Variants in ALDH3B1 observed in about 807,000 individuals in gnomAD.
The protein encoded by ALDH3B1 is aldehyde dehydrogenase 3 family member B1.
A neutral mutation model predicts 46.2 loss-of-function variants in ALDH3B1; 37 were observed. The ratio of observed to expected loss-of-function variants is 0.80; its 90% CI spans 0.62 to 1.05. The LOEUF is 1.05. ALDH3B1 is among the 50% of genes least tolerant of loss of function. The pLI, the probability that ALDH3B1 is intolerant of heterozygous loss-of-function variation, is 0.00. For missense variants in ALDH3B1, 603 were observed against 665.5 expected (o/e 0.91, Z 1.03); for synonymous variants, 283 against 281.0 (o/e 1.01, Z -0.07).
chr11:68,014,621 C>T (rs962811928), intron 1 of ALDH3B1, among the ~76,000 whole-genome samples: 6 of 152,184 alleles, frequency 3.9e-5, no homozygotes, highest in Non-Finnish European at 8.8e-5. Flanking sequence ...ACCACAGCCC[C>T]GGCAGGGTGG....
intron 2 of ALDH3B1, chr11:68,017,579 T>C (rs976101421): frequency 6.6e-6 from 1 of 152,296 alleles, no homozygotes; most frequent in African/African-American, 2.4e-5. Context: ...GGCTGGTCTC[T>C]CCTCCCTTGG....
upstream of ALDH3B1, among the ~76,000 whole-genome samples, chr11:68,009,752 G>T (rs1857192994): frequency 1.3e-5 from 2 of 152,102 alleles, no homozygotes; most frequent in Non-Finnish European, 2.9e-5. Flanking sequence ...TGGCGCCAAG[G>T]TCTTCTGGCT....
chr11:68,024,216 C>G (rs1030126015), intron 8 of ALDH3B1: 3 of 152,236 alleles, frequency 2.0e-5, no homozygotes, highest in African/African-American at 7.2e-5. Flanking sequence ...AGGAGAGAAT[C>G]CCACAGAGGT....
intron 1 of ALDH3B1, among the ~76,000 whole-genome samples, chr11:68,012,813 T>A (rs184685769): frequency 6.6e-6 from 1 of 151,840 alleles, no homozygotes; most frequent in Non-Finnish European, 1.5e-5. Flanking sequence ...GGAGCTGAGG[T>A]GGATAGCCTT....
upstream of ALDH3B1, chr11:68,008,601 C>G (rs182488365): frequency 8.6e-4 from 131 of 152,390 alleles, no homozygotes; most frequent in East Asian, 0.018. Context: ...ACACAGAGGA[C>G]AGGGGCTCTG....
In ALDH3B1 at chr11:68,022,023, C is replaced by T. The variant is rs1461120427; in HGVS notation, c.949+152C>T. ...AGCCACAGCTCCAGTGCCATGATTC[C>T]GTCTCTGTGCTTCTAAGTCTGTGGC... is the stretch of plus-strand genomic sequence containing the variant. On this transcript the variant is annotated intron_variant, in intron 7 of 9. Coordinates refer to ENST00000342456, the MANE Select transcript of ALDH3B1 (RefSeq NM_000694.4). 2.0e-5 allele frequency among the ~76,000 whole-genome samples: 3 copies of T among 152,332 alleles called. 1 individual carries two copies. Among genetic ancestry groups the T allele is most frequent in the Middle Eastern group, 6.8e-3 (2 of 294 alleles).
chr11:68,014,097 C>A (rs978340293), intron 1 of ALDH3B1, among the ~76,000 whole-genome samples: 14 of 152,214 alleles, frequency 9.2e-5, no homozygotes, highest in African/African-American at 2.4e-5. Context: ...GTGGTCTCAT[C>A]ATTAGCTGGC....
intron 6 of ALDH3B1, among the ~76,000 whole-genome samples, chr11:68,021,224 TTTGGCTCAGCAGGGGGACCCTGGGGGCCG>T (rs1193834321): frequency 9.9e-5 from 15 of 151,742 alleles, no homozygotes; most frequent in African/African-American, 3.6e-4. Context: ...AGCCAAGGGG[TTTGGCTCAGCAGGGGGACCCTGGGGGCCG>T]ATAGCAGCCG....
Position 68,026,046 on chromosome 11 carries a change from G to A in ALDH3B1, c.1154G>A (p.Gly385Asp), listed in dbSNP as rs780995039. The A allele has an allele frequency of 2.5e-6, 4 of 1,608,648 alleles. No homozygotes were observed. Among genetic ancestry groups the A allele is most frequent in the Non-Finnish European group, 3.4e-6 (4 of 1,177,522 alleles). Reference sequence around the variant, plus strand: ...GTGCTGACCCAGACCAGCAGCGGGGGCTTCTGTGGGAACGACGGCTTCATG... The same window carrying A: ...GTGCTGACCCAGACCAGCAGCGGGGACTTCTGTGGGAACGACGGCTTCATG... The part of the protein sequence containing the change: ...KRVLTQTSSG[G>D]FCGNDGFMHM... Residue 385 changes from glycine (G) to aspartate (D), a missense_variant, in exon 9 of 10, where the codon GGC becomes GAC. Coordinates refer to ENST00000342456, the MANE Select transcript of ALDH3B1 (RefSeq NM_000694.4).
intron 4 of ALDH3B1, 136 bp downstream of exon 4, chr11:68,019,029 G>C: frequency 1.0e-5 from 15 of 1,454,804 alleles, no homozygotes; most frequent in Non-Finnish European, 1.4e-5. Context: ...CCCGGGCTGT[G>C]TGGCCCTGGG....
intron 8 of ALDH3B1, 45 bp downstream of exon 8, chr11:68,022,806 G>A (rs1857537183): frequency 6.2e-7 from 1 of 1,609,908 alleles, no homozygotes; most frequent in Non-Finnish European, 8.5e-7. Context: ...CCCGCAGTGG[G>A]CAGCACAAGT....
chr11:68,012,297 G>A (rs577499051), intron 1 of ALDH3B1, among the ~76,000 whole-genome samples: 3 of 152,306 alleles, frequency 2.0e-5, no homozygotes, highest in Admixed American at 1.3e-4. Flanking sequence ...CACCCACAGC[G>A]AGCACCCAGG....
intron 2 of ALDH3B1, 66 bp downstream of exon 2, chr11:68,015,525 A>G (rs1857333200): frequency 6.5e-7 from 1 of 1,548,780 alleles, no homozygotes; most frequent in Non-Finnish European, 8.7e-7. Context: ...CAGCTGGGAC[A>G]GCAGGGGATG....
At chr11:68,014,169 C>T (rs1404519113) in intron 1 of ALDH3B1, among the ~76,000 whole-genome samples, 1 of 152,196 alleles carries the variant, frequency 6.6e-6, no homozygotes, top group African/African-American at 2.4e-5. Flanking sequence ...AATAAGTAGG[C>T]ACAGAGGGGC....
At chr11:68,019,324 G>A in intron 5 of ALDH3B1, 69 bp downstream of exon 5, 1 of 1,401,444 alleles carries the variant, frequency 7.1e-7, no homozygotes. Flanking sequence ...CCCCTGGCAT[G>A]GAAGGGCCTG....
intron 3 of ALDH3B1, 52 bp downstream of exon 3, chr11:68,018,689 A>T (rs1213279247): frequency 6.5e-7 from 1 of 1,549,622 alleles, no homozygotes; most frequent in Non-Finnish European, 8.7e-7. Context: ...ATTTGCTCCC[A>T]CAGGGTGGCC....
Position 68,019,717 on chromosome 11 carries a change from C to T in ALDH3B1, c.483C>T (p.Ser161=). ...AEVLPQYVDQ[S]CFAVVLGGPQ... Reference sequence around the variant, plus strand: ...GCCTCACCCATCCCGCCTTGCAGAGCTGCTTTGCTGTGGTGCTGGGCGGGC... The same window carrying T: ...GCCTCACCCATCCCGCCTTGCAGAGTTGCTTTGCTGTGGTGCTGGGCGGGC... Residue 161 remains serine, a splice_region_variant and synonymous_variant, in exon 6 of 10, where the codon AGC becomes AGT. Transcript: ENST00000342456. 1 of 1,614,012 alleles carries T rather than the reference C, an allele frequency of 6.2e-7. No individual in the cohort carries two copies.
intron 1 of ALDH3B1, among the ~76,000 whole-genome samples, chr11:68,012,275 G>A (rs1228971524): frequency 2.6e-5 from 4 of 152,272 alleles, no homozygotes; most frequent in Admixed American, 1.3e-4. Flanking sequence ...CTCTGTTCCC[G>A]GAGCCTGTGG....
At position 68,015,543 on chromosome 11, in the gene ALDH3B1, C is replaced by T. The variant is rs576314605; in HGVS notation, c.162+84C>T. On this transcript the variant is annotated intron_variant, in intron 2 of 9. Transcript: ENST00000342456. ...CTGGGACAGCAGGGGATGAAGACAC[C>T]TGCGCCCTCCATGAAGCGGGGCTAA... 74 of 1,527,440 alleles carry T rather than the reference C, an allele frequency of 4.8e-5. No individual in the cohort carries two copies. In the Middle Eastern group the frequency reaches 5.1e-4, roughly 10 times the overall value. The allele number at this position is 1,527,440 out of a possible 1,614,324, so 94.6% of individuals were successfully genotyped here. A position where few individuals can be genotyped will look rare whatever the true frequency, so the allele number is the denominator to read the frequency against.
Sources: gnomAD v4.1 joint callset for allele counts (sites outside exome capture counted in the v4.1 genomes callset) on GRCh38, gnomAD v4.1.1 for gene constraint, MANE v1.5 for transcripts, NCBI Gene and HGNC (gene_info 2026-07-23, HGNC 2026-07-21) for gene names.